Variants in ATP6V0D2 observed in about 807,000 individuals in gnomAD.
The protein encoded by ATP6V0D2 is V-type proton ATPase subunit d 2.
A neutral mutation model predicts 40.0 loss-of-function variants in ATP6V0D2; 40 were observed. The observed-to-expected ratio is 1.00, with a 90% CI of 0.78 to 1.30. The LOEUF (loss-of-function observed/expected upper bound fraction) is 1.30, where lower values mean the gene tolerates loss of function less well. Ranked by LOEUF, ATP6V0D2 falls within the 50% of genes most tolerant of loss-of-function variation. ATP6V0D2 has a pLI of 0.00. For synonymous variants in ATP6V0D2, 179 were observed against 156.3 expected, an observed-to-expected ratio of 1.15 and a Z score of -1.08; for missense variants, 470 against 423.1, an observed-to-expected ratio of 1.11 and a Z score of -0.97.
intron 2 of ATP6V0D2, among the ~76,000 whole-genome samples, chr8:86,135,154 G>A (rs1187111186): frequency 2.0e-5 from 3 of 152,116 alleles, no homozygotes; most frequent in Non-Finnish European, 4.4e-5. Context: ...CTTAGTGAAT[G>A]ACAGTCATTT....
At chr8:86,135,790 G>A (rs1313229476) in intron 2 of ATP6V0D2, among the ~76,000 whole-genome samples, 1 of 152,054 alleles carries the variant, frequency 6.6e-6, no homozygotes, top group African/African-American at 2.4e-5. Context: ...CTACTTATGA[G>A]GATAATTATC....
rs1470058728 is a variant in ATP6V0D2, at chr8:86,099,121, C to T, written c.130+13C>T. The T allele has an allele frequency of 1.9e-6, 3 of 1,568,058 alleles. No individual in the cohort carries two copies. Among genetic ancestry groups the T allele is most frequent in the African/African-American group, 1.4e-5 (1 of 70,580 alleles). ...GAGACCCTAGAAGGTAAGTGTAGCT[C>T]TTCTCACCCTTTAAAAAGAAAAAAA... On this transcript the variant is annotated intron_variant, in intron 1 of 7. Coordinates refer to ENST00000285393, the MANE Select transcript of ATP6V0D2 (RefSeq NM_152565.1).
chr8:86,098,976 C>G lies in ATP6V0D2; in HGVS notation c.-3C>G. 1 of 1,613,260 alleles carries G rather than the reference C, an allele frequency of 6.2e-7. No homozygotes were observed. Among genetic ancestry groups the G allele is most frequent in the Non-Finnish European group, 8.5e-7 (1 of 1,179,692 alleles). On this transcript the variant is annotated 5_prime_UTR_variant, in exon 1 of 8. Transcript: ENST00000285393. The stretch of plus-strand genomic sequence containing the variant: ...CCCTACCTTGGCTTCAATCTCTTCC[C>G]CCATGCTCGAAGGTGCGGAGCTGTA...
intron 2 of ATP6V0D2, among the ~76,000 whole-genome samples, chr8:86,127,672 C>T (rs945812323): frequency 1.3e-5 from 2 of 152,098 alleles, no homozygotes; most frequent in African/African-American, 2.4e-5. Flanking sequence ...GATCCGCCTG[C>T]CTTGGCTTCC....
intron 2 of ATP6V0D2, among the ~76,000 whole-genome samples, chr8:86,115,909 A>G (rs764353810): frequency 5.3e-5 from 8 of 152,188 alleles, no homozygotes; most frequent in Admixed American, 2.6e-4. Context: ...ATATTCCATG[A>G]AAACAGACCT....
chr8:86,152,806 C>T lies in ATP6V0D2; in HGVS notation c.892-10C>T, dbSNP rs746898746. ...GTTGATGATCTGTGTTACTTTTTTT[C>T]TTTCCTCAGGTACAAATGAATGTGC... is the stretch of plus-strand genomic sequence containing the variant. On this transcript the variant is annotated splice_polypyrimidine_tract_variant and intron_variant, in intron 7 of 7. Coordinates refer to ENST00000285393, the MANE Select transcript of ATP6V0D2 (RefSeq NM_152565.1). The T allele has an allele frequency of 1.5e-5, 23 of 1,577,386 alleles. No individual in the cohort carries two copies. In the Admixed American group the frequency reaches 2.0e-4, roughly 14 times the overall value.
At chr8:86,145,370 G>GAAAGAA (rs33955030) in intron 5 of ATP6V0D2, among the ~76,000 whole-genome samples, 10,488 of 69,574 alleles carry the variant, frequency 0.15, 1,050 homozygotes, top group Middle Eastern at 0.22. Context: ...AGGAAGGAAG[G>GAAAGAA]AAGGAAAGAA....
intron 2 of ATP6V0D2, among the ~76,000 whole-genome samples, chr8:86,117,504 GA>G (rs1183291528): frequency 6.6e-6 from 1 of 152,306 alleles, no homozygotes; most frequent in East Asian, 1.9e-4. Flanking sequence ...AGGAATTGTG[GA>G]TATACCTGAG....
At chr8:86,132,663 C>T (rs1371620514) in intron 2 of ATP6V0D2, among the ~76,000 whole-genome samples, 1 of 152,102 alleles carries the variant, frequency 6.6e-6, no homozygotes. Context: ...ACATATTATT[C>T]TTTTTATGGC....
intron 1 of ATP6V0D2, among the ~76,000 whole-genome samples, chr8:86,108,803 A>G (rs1586085929): frequency 1.3e-5 from 2 of 152,206 alleles, no homozygotes; most frequent in South Asian, 2.1e-4. Context: ...TAACTTCCCT[A>G]TAGCCAAGTG....
At chr8:86,152,635 T>TG (rs1474495353) in intron 7 of ATP6V0D2, among the ~76,000 whole-genome samples, 181 bp from the exon 8 acceptor site, 1 of 152,220 alleles carries the variant, frequency 6.6e-6, no homozygotes, top group Admixed American at 6.5e-5. Flanking sequence ...ATCTGCAGAG[T>TG]GACACTCTCT....
intron 2 of ATP6V0D2, among the ~76,000 whole-genome samples, chr8:86,127,604 T>C (rs1055870526): frequency 2.0e-5 from 3 of 152,056 alleles, no homozygotes; most frequent in African/African-American, 7.2e-5. Flanking sequence ...CTGTCTTTTT[T>C]GTAGAGAGGC....
At chr8:86,137,158 G>T (rs928138931) in intron 2 of ATP6V0D2, among the ~76,000 whole-genome samples, 1 of 151,950 alleles carries the variant, frequency 6.6e-6, no homozygotes, top group Non-Finnish European at 1.5e-5. Context: ...CCAGTCTTCC[G>T]CCATCCTCTT....
At chr8:86,127,275 C>T (rs1170760947) in intron 2 of ATP6V0D2, among the ~76,000 whole-genome samples, 4 of 151,964 alleles carry the variant, frequency 2.6e-5, no homozygotes, top group Non-Finnish European at 5.9e-5. Context: ...CACAGTATAA[C>T]AAAAAATGTT....
Position 86,149,498 on chromosome 8 carries a change from C to T in ATP6V0D2, c.640-614C>T, listed in dbSNP as rs544137723. 1.1e-4 allele frequency among the ~76,000 whole-genome samples: 17 copies of T among 152,184 alleles called. No individual in the cohort carries two copies. In the South Asian group the frequency reaches 2.5e-3, roughly 22 times the overall value. On this transcript the variant is annotated intron_variant, in intron 5 of 7. Transcript: ENST00000285393. ...ATCTTACAAAGAAGAAAACTTCTTG[C>T]GAGAAAGATGATTTGCCCTAACCCA...
chr8:86,140,447 C>T (rs2130273204), intron 3 of ATP6V0D2, among the ~76,000 whole-genome samples: 1 of 152,240 alleles, frequency 6.6e-6, no homozygotes. Context: ...TCTGCCCGGT[C>T]CCAGCAAGGT....
intron 7 of ATP6V0D2, 44 bp from the exon 8 acceptor site, chr8:86,152,772 T>A (rs1819174729): frequency 6.5e-7 from 1 of 1,549,836 alleles, no homozygotes; most frequent in African/African-American, 1.4e-5. Context: ...TCCATAATGT[T>A]CCAAATAAGT....
chr8:86,115,395 G>A (rs529995868), intron 2 of ATP6V0D2, among the ~76,000 whole-genome samples: 1 of 97,354 alleles, frequency 1.0e-5, no homozygotes, highest in South Asian at 3.6e-4. Flanking sequence ...TTGAGACTGA[G>A]TCTCATTCTG....
chr8:86,107,323 C>A (rs1818481457), intron 1 of ATP6V0D2, among the ~76,000 whole-genome samples: 1 of 152,032 alleles, frequency 6.6e-6, no homozygotes, highest in South Asian at 2.1e-4. Flanking sequence ...ATCAGTTAGG[C>A]TGCAATACTA....
Sources: gnomAD v4.1 joint callset for allele counts (sites outside exome capture counted in the v4.1 genomes callset) on GRCh38, gnomAD v4.1.1 for gene constraint, MANE v1.5 for transcripts, NCBI Gene and HGNC (gene_info 2026-07-23, HGNC 2026-07-21) for gene names.